SENP3: variants seen among roughly 807,000 people sequenced by gnomAD.
The protein encoded by SENP3 is sentrin-specific protease 3.
In SENP3, 11 loss-of-function variants were observed where a neutral mutation model predicts 66.2. The observed-to-expected ratio is 0.17, with a 90% CI of 0.10 to 0.28. The LOEUF (loss-of-function observed/expected upper bound fraction) is 0.28, where lower values mean the gene tolerates loss of function less well. SENP3 is among the 10% of genes least tolerant of loss of function. The pLI, the probability that SENP3 is intolerant of heterozygous loss-of-function variation, is 1.00. For synonymous variants in SENP3, 292 were observed against 277.6 expected (o/e 1.05, Z -0.52); for missense variants, 548 against 743.7 (o/e 0.74, Z 3.06).
At chr17:7,565,097 G>A (rs1304409212) in intron 4 of SENP3, 27 bp downstream of exon 4, 1 of 1,504,640 alleles carries the variant, frequency 6.6e-7, no homozygotes, top group Non-Finnish European at 9.2e-7. Flanking sequence ...CTCCTTGAAA[G>A]AAGGGCTGGG....
chr17:7,568,853 A>C (rs980625032), intron 7 of SENP3, among the ~76,000 whole-genome samples: 22 of 152,334 alleles, frequency 1.4e-4, no homozygotes, highest in Admixed American at 1.2e-3. Flanking sequence ...AACACAGATA[A>C]AACAACCTGG....
rs898386707 is a variant in SENP3, at chr17:7,562,847, A to T, written c.-11-219A>T. On this transcript the variant is annotated intron_variant, in intron 1 of 10. Coordinates refer to ENST00000321337, the MANE Select transcript of SENP3 (RefSeq NM_015670.6). The surrounding 1 kb of genome is among the most constrained non-coding windows in gnomAD (Gnocchi z 5.0). ...GATCTCTGAGGCCTGCTGCTTAGCC[A>T]TTTTCCCTTGTCTCTGGACTGGGGA... Among the ~76,000 whole-genome samples the T allele has an allele frequency of 5.3e-5, 8 of 152,098 alleles. No individual in the cohort carries two copies. Among genetic ancestry groups the T allele is most frequent in the Admixed American group, 2.0e-4 (3 of 15,278 alleles).
At position 7,570,970 on chromosome 17, in the gene SENP3, A is replaced by C; in HGVS notation, c.1614+37A>C. The C allele has an allele frequency of 6.3e-7, 1 of 1,595,544 alleles. No individual in the cohort carries two copies. Among genetic ancestry groups the C allele is most frequent in the Non-Finnish European group, 8.6e-7 (1 of 1,166,842 alleles). On this transcript the variant is annotated intron_variant, in intron 10 of 10. Coordinates refer to ENST00000321337, the MANE Select transcript of SENP3 (RefSeq NM_015670.6). The surrounding 1 kb of genome is among the most constrained non-coding windows in gnomAD (Gnocchi z 5.4). The stretch of plus-strand genomic sequence containing the variant: ...ATGGGGCCACCTCCCCTAGCTCTGA[A>C]GTCAGTTGGGTTAAAGGGTCGGGAG...
At position 7,563,475 on chromosome 17, in the gene SENP3, C is replaced by T. The variant is rs1353011165; in HGVS notation, c.399C>T (p.Phe133=). 3.9e-6 allele frequency: 6 copies of T among 1,521,722 alleles called. No individual in the cohort carries two copies. The highest frequency in any genetic ancestry group is 2.8e-5 in the African/African-American group (2 of 71,706). The allele number at this position is 1,521,722 out of a possible 1,614,324, so 94.3% of individuals were successfully genotyped here. A position where few individuals can be genotyped will look rare whatever the true frequency, so the allele number is the denominator to read the frequency against. The change falls in exon 2 of 11, where the codon TTC becomes TTT. Residue 133 remains phenylalanine (F), a synonymous_variant. Transcript: ENST00000321337. ...SQRRRRAMRA[F]RMLLYSKSTS... ...GCCGCCGCCGAGCCATGAGAGCCTT[C>T]CGGATGCTGCTCTACTCAAAAAGCA...
At chr17:7,565,626 A>G (rs756604229) in intron 5 of SENP3, 39 bp downstream of exon 5, 1 of 1,613,268 alleles carries the variant, frequency 6.2e-7, no homozygotes, top group Non-Finnish European at 8.5e-7. Flanking sequence ...GAGGGGATTC[A>G]GGGAGCAGGG....
At position 7,564,732 on chromosome 17, in the gene SENP3, A is replaced by C. The variant is rs1489439492; in HGVS notation, c.823A>C (p.Ser275Arg). 6.2e-7 allele frequency: 1 copy of C among 1,613,936 alleles called. No homozygotes were observed. The highest frequency in any genetic ancestry group is 1.3e-5 in the African/African-American group (1 of 74,942). The change falls in exon 3 of 11, where the codon AGC (serine) becomes CGC (arginine). Residue 275 changes from serine to arginine, a missense_variant. Physicochemically the swap from Ser to Arg is moderately radical, Grantham distance 110 (BLOSUM62 -1). This residue lies in a region of SENP3 where 215 missense variants were observed against 230.7 expected (regional missense o/e 0.93). Transcript: ENST00000321337. ...CAGCATCCTCATCAGCAATGTGTGC[A>C]GCATCGGGGACCATGTGGCCCAGGA... The part of the protein sequence containing the change: ...DASILISNVC[S>R]IGDHVAQELF...
chr17:7,568,715 TA>T (rs1444652505), intron 7 of SENP3, among the ~76,000 whole-genome samples: 1 of 152,222 alleles, frequency 6.6e-6, no homozygotes, highest in African/African-American at 2.4e-5. Flanking sequence ...TTTTCATCTG[TA>T]CTCTTTGTAC....
intron 2 of SENP3, 23 bp from the exon 3 acceptor site, chr17:7,564,602 A>C (rs765315810): frequency 6.2e-7 from 1 of 1,613,270 alleles, no homozygotes; most frequent in African/African-American, 1.3e-5. Flanking sequence ...TCTCATGCCC[A>C]TTCCATTTCC....
Position 7,570,777 on chromosome 17 carries a change from A to AGG in SENP3, c.1563+15_1563+16dup. On this transcript the variant is annotated intron_variant, in intron 9 of 10. Transcript: ENST00000321337. This position sits in a 1 kb window ranked among gnomAD's most constrained non-coding sequence, Gnocchi z 5.4. ...TTACTTCAAAATGGTGAGTTTCCTG[A>AGG]GGGAGGGGTATAGGGTGTTGGTGGG... 6.2e-7 allele frequency: 1 copy of AGG among 1,608,578 alleles called. No individual in the cohort carries two copies. Among genetic ancestry groups the AGG allele is most frequent in the Non-Finnish European group, 8.5e-7 (1 of 1,177,046 alleles).
At position 7,564,994 on chromosome 17, in the gene SENP3, C is replaced by T; in HGVS notation, c.991C>T (p.Leu331Phe). The T allele has an allele frequency of 6.2e-7, 1 of 1,613,714 alleles. No homozygotes were observed. Among genetic ancestry groups the T allele is most frequent in the Non-Finnish European group, 8.5e-7 (1 of 1,179,612 alleles). Residue 331 changes from leucine (L) to phenylalanine (F), a missense_variant, in exon 4 of 11, where the codon CTC (leucine) becomes TTC (phenylalanine). This residue lies in a region of SENP3 where 72 missense variants were observed against 137.9 expected (regional missense o/e 0.52). Transcript: ENST00000321337. ...CGAATTCCTTCAAACGTATGGCAGC[C>T]TCATACCCCTCAGCACTGATGAGGT... ...LDEFLQTYGS[L>F]IPLSTDEVVE...
chr17:7,563,523 G>A lies in SENP3; in HGVS notation c.447G>A (p.Lys149=). Residue 149 remains lysine, a synonymous_variant, in exon 2 of 11, where the codon AAG becomes AAA. Coordinates refer to ENST00000321337, the MANE Select transcript of SENP3 (RefSeq NM_015670.6). ...GCACCTCGCTGACATTCCACTGGAA[G>A]CTTTGGGGGCGCCACCGGGGCCGGC... ...SKSTSLTFHW[K]LWGRHRGRRR... 1 of 1,550,286 alleles carries A rather than the reference G, an allele frequency of 6.5e-7. No individual in the cohort carries two copies. Among genetic ancestry groups the A allele is most frequent in the South Asian group, 1.2e-5 (1 of 84,068 alleles).
Position 7,571,838 on chromosome 17 carries a change from T to C in SENP3, c.*355T>C, listed in dbSNP as rs1399289742. 4.4e-3 allele frequency: 3 copies of C among 682 alleles called. No homozygotes were observed. The highest frequency in any genetic ancestry group is 0.038 in the South Asian group (1 of 26). 0.0% of individuals were successfully genotyped at this position (682 alleles called of 1,614,324 possible). On this transcript the variant is annotated 3_prime_UTR_variant, in exon 11 of 11. Coordinates refer to ENST00000321337, the MANE Select transcript of SENP3 (RefSeq NM_015670.6). The stretch of plus-strand genomic sequence containing the variant: ...ACTGCCTGCCAGATCTTCAAACTTT[T>C]ATATATATATATATATATATATATA...
rs1410702827 is a variant in SENP3 at position 7,564,725 on chromosome 17, T to C, written c.816T>C (p.Asn272=). 2 of 1,613,970 alleles carry C rather than the reference T, an allele frequency of 1.2e-6. No individual in the cohort carries two copies. The highest frequency in any genetic ancestry group is 8.5e-7 in the Non-Finnish European group (1 of 1,179,886). The change falls in exon 3 of 11, where the codon AAT becomes AAC. Residue 272 remains asparagine, a synonymous_variant. Transcript: ENST00000321337. ...CTGATGCCAGCATCCTCATCAGCAA[T>C]GTGTGCAGCATCGGGGACCATGTGG... ...APPDASILIS[N]VCSIGDHVAQ... is the part of the protein sequence containing the mutation.
In SENP3 at chr17:7,563,095, G is replaced by C. The variant is rs571254000; in HGVS notation, c.19G>C (p.Gly7Arg). ...CTGGAAGATGAAAGAGACTATACAA[G>C]GGACCGGGTCCTGGGGGCCTGAGCC... MKETIQ[G>R]TGSWGPEPPG... Residue 7 changes from glycine (G) to arginine (R), a missense_variant, in exon 2 of 11, where the codon GGG becomes CGG. Transcript: ENST00000321337. The C allele has an allele frequency of 2.6e-6, 4 of 1,514,072 alleles. No individual in the cohort carries two copies. The highest frequency in any genetic ancestry group is 2.3e-5 in the Admixed American group (1 of 43,618). The allele number at this position is 1,514,072 out of a possible 1,614,324, so 93.8% of individuals were successfully genotyped here. A position where few individuals can be genotyped will look rare whatever the true frequency, so the allele number is the denominator to read the frequency against.
intron 4 of SENP3, 140 bp from the exon 5 acceptor site, chr17:7,565,300 C>G: frequency 1.9e-6 from 2 of 1,028,870 alleles, no homozygotes; most frequent in Non-Finnish European, 1.4e-6. Flanking sequence ...GGGAGTGGGC[C>G]TTTCGCAGGT....
At position 7,570,846 on chromosome 17, in the gene SENP3, C is replaced by G. The variant is rs370999140; in HGVS notation, c.1564-37C>G. ...AAATTGAAGTCCTACCCCTGGGAGT[C>G]TCCATGTGAAGGGCCTGCTTTCTTT... On this transcript the variant is annotated intron_variant, in intron 9 of 10. Coordinates refer to ENST00000321337, the MANE Select transcript of SENP3 (RefSeq NM_015670.6). This position sits in a 1 kb window ranked among gnomAD's most constrained non-coding sequence, Gnocchi z 5.4. 4.9e-5 allele frequency: 79 copies of G among 1,608,538 alleles called. No individual in the cohort carries two copies. The highest frequency in any genetic ancestry group is 3.4e-5 in the Admixed American group (2 of 59,064).
rs546638379 is a variant in SENP3, at chr17:7,571,821, C to T, written c.*338C>T. The T allele has an allele frequency of 5.0e-5, 5 of 99,246 alleles. No individual in the cohort carries two copies. The South Asian group carries it at 1.6e-3, about 32-fold the overall frequency. The allele number at this position is 99,246 out of a possible 1,614,324, so 6.1% of individuals were successfully genotyped here. ...GGGCGGACAATAGGATCACTGCCTG[C>T]CAGATCTTCAAACTTTTATATATAT... is the stretch of plus-strand genomic sequence containing the variant. On this transcript the variant is annotated 3_prime_UTR_variant, in exon 11 of 11. Transcript: ENST00000321337.
rs1345970988 is a variant in SENP3, at chr17:7,562,353, G to T, written c.-12+90G>T. The T allele has an allele frequency of 5.1e-6, 2 of 395,590 alleles. No homozygotes were observed. Among genetic ancestry groups the T allele is most frequent in the African/African-American group, 2.1e-5 (1 of 48,470 alleles). The allele number at this position is 395,590 out of a possible 1,614,324, so 24.5% of individuals were successfully genotyped here. On this transcript the variant is annotated intron_variant, in intron 1 of 10. Coordinates refer to ENST00000321337, the MANE Select transcript of SENP3 (RefSeq NM_015670.6). This position sits in a 1 kb window ranked among gnomAD's most constrained non-coding sequence, Gnocchi z 5.0. Reference sequence around the variant, plus strand: ...CCACCGAACCGGGGCCCAGAGGCCCGCATAGGGGCTTCTTAAGGCCCGTGT... The same window carrying T: ...CCACCGAACCGGGGCCCAGAGGCCCTCATAGGGGCTTCTTAAGGCCCGTGT...
chr17:7,565,474 C>G lies in SENP3; in HGVS notation c.1102C>G (p.Gln368Glu), dbSNP rs2071260341. 1 of 1,613,686 alleles carries G rather than the reference C, an allele frequency of 6.2e-7. No individual in the cohort carries two copies. The highest frequency in any genetic ancestry group is 1.3e-5 in the African/African-American group (1 of 74,916). The change falls in exon 5 of 11, where the codon CAG (glutamine) becomes GAG (glutamate). Residue 368 changes from glutamine to glutamate, a missense_variant. By Grantham distance (29) the Gln-to-Glu change is conservative. Around this residue, in one of 6 missense-constraint regions of SENP3, gnomAD observed 72 missense variants for 137.9 expected, o/e 0.52. Transcript: ENST00000321337. The stretch of plus-strand genomic sequence containing the variant: ...GGTGTTGCAGCTGATCCAGTCTTAC[C>G]AGCGGATGCCAGGCAATGCCATGGT... ...GLVLQLIQSY[Q>E]RMPGNAMVRG...
Sources: gnomAD v4.1 joint callset for allele counts (sites outside exome capture counted in the v4.1 genomes callset) on GRCh38, gnomAD v4.1.1 for gene constraint, gnomAD v4.1.1 regional missense constraint, Gnocchi (gnomAD v3.1) non-coding constraint, MANE v1.5 for transcripts, NCBI Gene and HGNC (gene_info 2026-07-23, HGNC 2026-07-21) for gene names.